ADAMTS18: variants seen among roughly 807,000 people sequenced by gnomAD.
The protein encoded by ADAMTS18 is ADAM metallopeptidase with thrombospondin type 1 motif 18, also known as A disintegrin and metalloproteinase with thrombospondin motifs 18.
ADAMTS18 carries 157 observed loss-of-function variants against 165.9 expected under a neutral mutation model. The observed-to-expected ratio is 0.95, with a 90% CI of 0.83 to 1.08. The LOEUF (loss-of-function observed/expected upper bound fraction) is 1.08. ADAMTS18 is among the 50% of genes least tolerant of loss of function. The pLI, the probability that ADAMTS18 is intolerant of heterozygous loss-of-function variation, is 0.00. For missense variants in ADAMTS18, 2,040 were observed against 1,534.0 expected (o/e 1.33, Z -5.51); for synonymous variants, 782 against 578.2 (o/e 1.35, Z -5.06).
chr16:77,390,070 C>T (rs1408264422), intron 3 of ADAMTS18, among the ~76,000 whole-genome samples: 1 of 152,102 alleles, frequency 6.6e-6, no homozygotes, highest in Non-Finnish European at 1.5e-5. Flanking sequence ...AAGAAAAATG[C>T]AGACTCCTCA....
chr16:77,362,186 T>C lies in ADAMTS18; in HGVS notation c.1135A>G (p.Asn379Asp). ...ATGGCATGATCATGTCTCTTGCCAT[T>C]CTTTCCAATGAGGGCAGACTGCCAT... ...CQWQSALIGK[N>D]GKRHDHAILL... Residue 379 changes from asparagine (N) to aspartate (D), a missense_variant, in exon 7 of 23, where the codon AAT becomes GAT. Coordinates refer to ENST00000282849, the MANE Select transcript of ADAMTS18 (RefSeq NM_199355.4). The C allele has an allele frequency of 1.2e-6, 2 of 1,614,122 alleles. No homozygotes were observed. The highest frequency in any genetic ancestry group is 4.5e-5 in the East Asian group (2 of 44,862).
intron 18 of ADAMTS18, among the ~76,000 whole-genome samples, chr16:77,296,053 T>G (rs1190634206): frequency 1.3e-5 from 2 of 152,012 alleles, no homozygotes; most frequent in Non-Finnish European, 1.5e-5. Flanking sequence ...CGCACATCTT[T>G]ATATATAAAG....
chr16:77,413,318 C>G (rs538262705), intron 3 of ADAMTS18, among the ~76,000 whole-genome samples: 6 of 152,262 alleles, frequency 3.9e-5, no homozygotes, highest in Admixed American at 6.5e-5. Flanking sequence ...AAGACAGGCT[C>G]TAACTCTCCA....
chr16:77,362,732 T>C (rs1012583834), intron 6 of ADAMTS18, among the ~76,000 whole-genome samples: 1 of 152,164 alleles, frequency 6.6e-6, no homozygotes, highest in Non-Finnish European at 1.5e-5. Context: ...AAACAAATGA[T>C]GATATGATTC....
intron 3 of ADAMTS18, among the ~76,000 whole-genome samples, chr16:77,383,728 A>G (rs1265641596): frequency 2.0e-5 from 3 of 152,140 alleles, no homozygotes; most frequent in Non-Finnish European, 4.4e-5. Context: ...ACTTTAGTAG[A>G]GATGGGGTTT....
At chr16:77,363,986 CAAATATATGTACATAT>C (rs1387156845) in intron 5 of ADAMTS18, 101 bp from the exon 6 acceptor site, 69 of 1,266,460 alleles carry the variant, frequency 5.4e-5, no homozygotes, top group Non-Finnish European at 7.3e-5. Context: ...TTAATTTTAC[CAAATATATGTACATAT>C]AAATACAATT....
At position 77,335,781 on chromosome 16, in the gene ADAMTS18, G is replaced by A; in HGVS notation, c.1834C>T (p.Gln612Ter). 6.2e-7 allele frequency: 1 copy of A among 1,614,194 alleles called. No individual in the cohort carries two copies. Among genetic ancestry groups the A allele is most frequent in the Non-Finnish European group, 8.5e-7 (1 of 1,180,036 alleles). The change falls in exon 12 of 23, where the codon CAG becomes TAG. Residue 612 changes from glutamine to a stop codon, truncating the protein, a stop_gained. Coordinates refer to ENST00000282849, the MANE Select transcript of ADAMTS18 (RefSeq NM_199355.4). LOFTEE classifies it high-confidence loss of function. ...SRTCGGGVKF[Q>*]ERHCNNPKPQ... is the part of the protein sequence containing the mutation. ...TTGGGGTTATTGCAGTGTCTCTCCT[G>A]GAACTTGACTCCTCCACCACATGTC...
In ADAMTS18 at chr16:77,314,785, T is replaced by A. The variant is rs1020047006; in HGVS notation, c.2532+5064A>T. ...ATATATATATATATATATATATATATAAAATATATGTGATATGCTCAGAAG... is the reference window on the plus strand; with the variant it reads ...ATATATATATATATATATATATATAAAAAATATATGTGATATGCTCAGAAG... On this transcript the variant is annotated intron_variant, in intron 16 of 22. Coordinates refer to ENST00000282849, the MANE Select transcript of ADAMTS18 (RefSeq NM_199355.4). Among the ~76,000 whole-genome samples, 439 of 87,096 alleles carry A rather than the reference T, an allele frequency of 5.0e-3. 27 individuals are homozygous for A. Among genetic ancestry groups the A allele is most frequent in the Admixed American group, 0.04 (333 of 8,240 alleles). 57.1% of individuals were successfully genotyped at this position (87,096 alleles called of 152,430 possible). A position where few individuals can be genotyped will look rare whatever the true frequency, so the allele number is the denominator to read the frequency against.
intron 10 of ADAMTS18, among the ~76,000 whole-genome samples, chr16:77,349,178 T>TA (rs767200431): frequency 1.0e-3 from 157 of 152,256 alleles, no homozygotes; most frequent in Middle Eastern, 3.4e-3. Flanking sequence ...GAAAGGAAGT[T>TA]AAATGTTGGA....
intron 16 of ADAMTS18, among the ~76,000 whole-genome samples, chr16:77,301,058 C>T (rs1478684228): frequency 6.6e-6 from 1 of 152,110 alleles, no homozygotes; most frequent in East Asian, 1.9e-4. Flanking sequence ...AGAAAAGAAA[C>T]ATGTTCAGAA....
chr16:77,391,138 G>A (rs775073719), intron 3 of ADAMTS18, among the ~76,000 whole-genome samples: 2 of 152,080 alleles, frequency 1.3e-5, no homozygotes, highest in South Asian at 2.1e-4. Flanking sequence ...TAAGTTAAAC[G>A]CACAAATAGT....
chr16:77,335,778 C>A lies in ADAMTS18; in HGVS notation c.1837G>T (p.Glu613Ter). Residue 613 changes from glutamate (E) to a stop codon, truncating the protein, a stop_gained, in exon 12 of 23, where the codon GAG becomes TAG. Coordinates refer to ENST00000282849, the MANE Select transcript of ADAMTS18 (RefSeq NM_199355.4). LOFTEE classifies it high-confidence loss of function. ...RTCGGGVKFQ[E>*]RHCNNPKPQY... ...TACTTGGGGTTATTGCAGTGTCTCT[C>A]CTGGAACTTGACTCCTCCACCACAT... 1 of 1,614,218 alleles carries A rather than the reference C, an allele frequency of 6.2e-7. No homozygotes were observed. Among genetic ancestry groups the A allele is most frequent in the African/African-American group, 1.3e-5 (1 of 75,054 alleles).
intron 13 of ADAMTS18, among the ~76,000 whole-genome samples, chr16:77,324,521 C>G (rs1252822009): frequency 6.6e-6 from 1 of 152,140 alleles, no homozygotes; most frequent in Non-Finnish European, 1.5e-5. Flanking sequence ...TCAAGATAGA[C>G]AAAGGCTTAG....
At chr16:77,325,029 C>T (rs1013043130) in intron 13 of ADAMTS18, among the ~76,000 whole-genome samples, 5 of 152,272 alleles carry the variant, frequency 3.3e-5, no homozygotes, top group Admixed American at 2.0e-4. Flanking sequence ...ATAGTGATGC[C>T]TGTAATTATA....
chr16:77,314,374 G>A (rs779494563), intron 16 of ADAMTS18, among the ~76,000 whole-genome samples: 5 of 152,052 alleles, frequency 3.3e-5, no homozygotes, highest in South Asian at 2.1e-4. Flanking sequence ...TTGGGAGGCC[G>A]AGGCGGGTGG....
chr16:77,424,284 C>T (rs1302855068), intron 3 of ADAMTS18, among the ~76,000 whole-genome samples: 1 of 152,152 alleles, frequency 6.6e-6, no homozygotes, highest in African/African-American at 2.4e-5. Flanking sequence ...GCCTGACCAA[C>T]ATGGAGAAAC....
chr16:77,297,113 A>T (rs2055488294), intron 18 of ADAMTS18, among the ~76,000 whole-genome samples, 176 bp downstream of exon 18: 2 of 152,176 alleles, frequency 1.3e-5, no homozygotes, highest in African/African-American at 4.8e-5. Context: ...AGTAGCTAGG[A>T]CCACACACGT....
intron 11 of ADAMTS18, among the ~76,000 whole-genome samples, chr16:77,337,379 T>A (rs866711052): frequency 6.6e-6 from 1 of 152,218 alleles, no homozygotes; most frequent in African/African-American, 2.4e-5. Context: ...CCAAAAATGA[T>A]GCAGAGAGCT....
chr16:77,363,375 T>A (rs1567514182), intron 6 of ADAMTS18, among the ~76,000 whole-genome samples: 1 of 152,156 alleles, frequency 6.6e-6, no homozygotes, highest in African/African-American at 2.4e-5. Flanking sequence ...AGTATATTTT[T>A]GAAATATCCT....
Sources: allele counts gnomAD v4.1 joint callset (sites outside exome capture counted in the v4.1 genomes callset), GRCh38; gene constraint gnomAD v4.1.1; transcripts MANE v1.5; gene names NCBI Gene and HGNC (gene_info 2026-07-23, HGNC 2026-07-21).